PACS1: variants seen among roughly 807,000 people sequenced by gnomAD.
PACS1 encodes phosphofurin acidic cluster sorting protein 1, also known as PACS-1.
A neutral mutation model predicts 115.0 loss-of-function variants in PACS1; 24 were observed. That is an observed-to-expected ratio of 0.21 (90% CI 0.15 to 0.29). PACS1 has a LOEUF of 0.29. Ranked by LOEUF, PACS1 falls within the 10% of genes least tolerant of loss-of-function variation. The probability of loss-of-function intolerance (pLI) is 1.00; values close to 1 mark genes in which losing one functional copy is unlikely to be tolerated. For synonymous variants in PACS1, 453 were observed against 504.5 expected (o/e 0.90, Z 1.37); for missense variants, 838 against 1,251.2 (o/e 0.67, Z 4.98).
At chr11:66,121,208 G>A (rs1470632954) in intron 1 of PACS1, 2 of 405,198 alleles carry the variant, frequency 4.9e-6, no homozygotes, top group South Asian at 1.8e-5. Context: ...TGCTGCTGTC[G>A]TGATTGTTTT....
In PACS1 at chr11:66,216,256, G is replaced by A. The variant is rs200395584; in HGVS notation, c.798G>A (p.Lys266=). Residue 266 remains lysine, a synonymous_variant, in exon 5 of 24, where the codon AAG becomes AAA. Coordinates refer to ENST00000320580, the MANE Select transcript of PACS1 (RefSeq NM_018026.4). ...TTGACCATGAAGGAATCAAATCCAA[G>A]CTTTCTGGTAAGAAGCATGCAGCAT... ...QPIDHEGIKS[K]LSDRSPDIDN... is the part of the protein sequence containing the mutation. 38 of 1,614,060 alleles carry A rather than the reference G, an allele frequency of 2.4e-5. No individual in the cohort carries two copies. In the South Asian group the frequency reaches 3.3e-4, roughly 14 times the overall value.
intron 1 of PACS1, among the ~76,000 whole-genome samples, chr11:66,110,166 A>G (rs988454744): frequency 6.6e-6 from 1 of 152,172 alleles, no homozygotes; most frequent in African/African-American, 2.4e-5. Context: ...GGGAGTAGTT[A>G]TATCTTACCT....
intron 1 of PACS1, among the ~76,000 whole-genome samples, chr11:66,182,222 G>A (rs1482476385): frequency 1.3e-5 from 2 of 151,930 alleles, no homozygotes; most frequent in Non-Finnish European, 1.5e-5. Flanking sequence ...CAAGTAATTG[G>A]CATTCATAAC....
chr11:66,152,615 A>T (rs1859265808), intron 1 of PACS1, among the ~76,000 whole-genome samples: 2 of 152,220 alleles, frequency 1.3e-5, no homozygotes. Flanking sequence ...TTAAAAGCAG[A>T]TAGAGATCCT....
intron 10 of PACS1, chr11:66,221,735 C>A (rs1405074181): frequency 6.3e-6 from 1 of 158,316 alleles, no homozygotes; most frequent in African/African-American, 2.4e-5. Context: ...GAGCTTAGCT[C>A]TTTGGGGTCA....
chr11:66,229,673 C>G (rs1044375422), intron 11 of PACS1, among the ~76,000 whole-genome samples: 1 of 151,456 alleles, frequency 6.6e-6, no homozygotes, highest in East Asian at 1.9e-4. Flanking sequence ...AGCAAGACTC[C>G]GTCTCAAAAA....
intron 17 of PACS1, among the ~76,000 whole-genome samples, chr11:66,234,450 A>T (rs993019289): frequency 5.3e-5 from 8 of 152,156 alleles, no homozygotes; most frequent in Non-Finnish European, 1.2e-4. Context: ...ATCCTCTGCT[A>T]TTTGCTCTGC....
chr11:66,125,589 AC>A (rs1381230648), intron 1 of PACS1, among the ~76,000 whole-genome samples: 2 of 152,226 alleles, frequency 1.3e-5, no homozygotes, highest in African/African-American at 4.8e-5. Flanking sequence ...GTATGAAAAT[AC>A]ACATTACTCA....
At chr11:66,080,196 G>A (rs1178895759) in intron 1 of PACS1, among the ~76,000 whole-genome samples, 1 of 152,174 alleles carries the variant, frequency 6.6e-6, no homozygotes, top group Non-Finnish European at 1.5e-5. Context: ...TATCTGTTAT[G>A]CACAATTCAT....
intron 10 of PACS1, among the ~76,000 whole-genome samples, 163 bp from the exon 11 acceptor site, chr11:66,227,341 A>G (rs1855487238): frequency 6.6e-6 from 1 of 152,220 alleles, no homozygotes; most frequent in South Asian, 2.1e-4. Flanking sequence ...TGGTTTTCAC[A>G]GAAATGTACC....
chr11:66,199,051 C>A (rs12797158), intron 2 of PACS1, among the ~76,000 whole-genome samples: 2 of 152,032 alleles, frequency 1.3e-5, no homozygotes, highest in South Asian at 2.1e-4. Context: ...CGTGGTGGCT[C>A]ACGCCTATAA....
At chr11:66,219,947 G>A in intron 8 of PACS1, 142 bp downstream of exon 8, 2 of 720,076 alleles carry the variant, frequency 2.8e-6, no homozygotes, top group Middle Eastern at 3.1e-4. Flanking sequence ...ACCTGGTAGA[G>A]CCCTAAGGGA....
chr11:66,220,649 C>A lies in PACS1; in HGVS notation c.1057C>A (p.His353Asn). 6.2e-7 allele frequency: 1 copy of A among 1,614,164 alleles called. No homozygotes were observed. Among genetic ancestry groups the A allele is most frequent in the South Asian group, 1.1e-5 (1 of 91,080 alleles). Residue 353 changes from histidine to asparagine, a missense_variant, in exon 9 of 24, where the codon CAT becomes AAT. Around this residue, in one of 6 missense-constraint regions of PACS1, gnomAD observed 223 missense variants for 354.0 expected, o/e 0.63. Transcript: ENST00000320580. ...VSDEVGFGLE[H>N]VSREQIREVE... ...CCTGCAGGTGGGCTTTGGGCTGGAG[C>A]ATGTGTCCCGCGAGCAGATCCGGGA...
intron 21 of PACS1, among the ~76,000 whole-genome samples, chr11:66,239,694 A>G (rs1429570260): frequency 1.3e-5 from 2 of 152,218 alleles, no homozygotes; most frequent in Admixed American, 1.3e-4. Context: ...AGGTGTTGTT[A>G]TGGGACCTCC....
At chr11:66,216,830 G>T in intron 7 of PACS1, 55 bp downstream of exon 7, 1 of 1,271,146 alleles carries the variant, frequency 7.9e-7, no homozygotes, top group Non-Finnish European at 1.1e-6. Context: ...CTGGGGGTAG[G>T]TTGGCAGCAG....
chr11:66,162,606 T>A (rs1229064173), intron 1 of PACS1, among the ~76,000 whole-genome samples: 1 of 152,188 alleles, frequency 6.6e-6, no homozygotes, highest in African/African-American at 2.4e-5. Context: ...CGCACAGCCC[T>A]GCCTACACCT....
At chr11:66,090,266 C>T in intron 1 of PACS1, among the ~76,000 whole-genome samples, 1 of 143,912 alleles carries the variant, frequency 6.9e-6, no homozygotes, top group African/African-American at 2.6e-5. Flanking sequence ...TCTCTTCTTT[C>T]CTTTCTTTTT....
intron 1 of PACS1, among the ~76,000 whole-genome samples, chr11:66,172,805 G>A (rs528118522): frequency 6.6e-6 from 1 of 152,078 alleles, no homozygotes; most frequent in East Asian, 1.9e-4. Context: ...GTGAAACCCC[G>A]TCTCTACTAA....
intron 1 of PACS1, among the ~76,000 whole-genome samples, chr11:66,123,676 C>T (rs1369262030): frequency 2.0e-5 from 3 of 151,892 alleles, no homozygotes; most frequent in South Asian, 2.1e-4. Flanking sequence ...CACCTGCCAC[C>T]GCGCCCGGCT....
Sources: allele counts gnomAD v4.1 joint callset (sites outside exome capture counted in the v4.1 genomes callset), GRCh38; gene constraint gnomAD v4.1.1; regional missense constraint gnomAD v4.1.1; transcripts MANE v1.5; gene names NCBI Gene and HGNC (gene_info 2026-07-23, HGNC 2026-07-21).